Variants in NIPBL observed in about 807,000 individuals in gnomAD.
The protein encoded by NIPBL is NIPBL cohesin loading factor.
NIPBL carries 19 observed loss-of-function variants against 321.8 expected under a neutral mutation model. The observed-to-expected ratio is 0.06, with a 90% confidence interval of 0.04 to 0.09. The LOEUF (loss-of-function observed/expected upper bound fraction) is 0.09. NIPBL is among the 10% of genes least tolerant of loss of function. The probability of loss-of-function intolerance (pLI) is 1.00; values close to 1 mark genes in which losing one functional copy is unlikely to be tolerated. For synonymous variants in NIPBL, 1,106 were observed against 1,114.1 expected, an observed-to-expected ratio of 0.99 and a Z score of 0.14; for missense variants, 2,210 against 3,327.0, an observed-to-expected ratio of 0.66 and a Z score of 8.26.
intron 8 of NIPBL, among the ~76,000 whole-genome samples, chr5:36,974,290 C>T (rs1163208562): frequency 1.3e-5 from 2 of 152,166 alleles, no homozygotes; most frequent in Non-Finnish European, 2.9e-5. Context: ...GCTTGAACTT[C>T]TGTCATGAAG....
chr5:36,958,264 A>T, intron 4 of NIPBL, 33 bp downstream of exon 4: 1 of 1,608,944 alleles, frequency 6.2e-7, no homozygotes, highest in Non-Finnish European at 8.5e-7. Context: ...TCCCATATCA[A>T]ACTTGTTTTA....
At position 36,974,862 on chromosome 5, in the gene NIPBL, A is replaced by T. The variant is rs1743267759; in HGVS notation, c.869-914A>T. On this transcript the variant is annotated intron_variant, in intron 8 of 46. Transcript: ENST00000282516. ...TGACCAATTTTTACAATTTCTTACA[A>T]GTTTTTAAATATTTTATAGTTTAGT... Among the ~76,000 whole-genome samples the T allele has an allele frequency of 1.3e-5, 2 of 152,082 alleles. 1 individual carries two copies. Among genetic ancestry groups the T allele is most frequent in the South Asian group, 4.1e-4 (2 of 4,834 alleles).
chr5:36,993,226 A>AT (rs1304512335), intron 10 of NIPBL, among the ~76,000 whole-genome samples: 4 of 152,152 alleles, frequency 2.6e-5, no homozygotes, highest in Admixed American at 1.3e-4. Context: ...TGATTCCTGG[A>AT]TTTTTTTTCT....
intron 1 of NIPBL, among the ~76,000 whole-genome samples, chr5:36,909,578 G>C (rs1013375503): frequency 6.6e-6 from 1 of 152,016 alleles, no homozygotes; most frequent in South Asian, 2.1e-4. Flanking sequence ...TTCATTTGCA[G>C]TATTATTGGT....
intron 1 of NIPBL, among the ~76,000 whole-genome samples, 152 bp from the exon 2 acceptor site, chr5:36,953,466 G>A (rs1046331205): frequency 2.6e-5 from 4 of 152,178 alleles, no homozygotes; most frequent in African/African-American, 7.2e-5. Context: ...CTTTGCAATT[G>A]CTTAACATGT....
intron 11 of NIPBL, among the ~76,000 whole-genome samples, chr5:36,998,178 C>A (rs924558591): frequency 6.6e-6 from 1 of 152,064 alleles, no homozygotes; most frequent in African/African-American, 2.4e-5. Context: ...TTTCCCCTCC[C>A]CTGCTTATTC....
intron 10 of NIPBL, among the ~76,000 whole-genome samples, chr5:36,991,176 A>G (rs1441758837): frequency 2.0e-5 from 3 of 152,078 alleles, no homozygotes; most frequent in Non-Finnish European, 4.4e-5. Flanking sequence ...ATTCTCTTTT[A>G]AACTTATTAC....
At chr5:36,994,944 A>C (rs1207415613) in intron 10 of NIPBL, among the ~76,000 whole-genome samples, 1 of 152,148 alleles carries the variant, frequency 6.6e-6, no homozygotes, top group East Asian at 1.9e-4. Flanking sequence ...ACAGACATTT[A>C]TATTTTAAAA....
At chr5:37,036,904 A>G (rs991928078) in intron 33 of NIPBL, among the ~76,000 whole-genome samples, 3 of 152,072 alleles carry the variant, frequency 2.0e-5, no homozygotes, top group Non-Finnish European at 4.4e-5. Flanking sequence ...TTAAAGATTT[A>G]TATTACATTC....
chr5:37,000,300 T>A (rs1480551041), intron 11 of NIPBL, 73 bp from the exon 12 acceptor site: 5 of 1,443,856 alleles, frequency 3.5e-6, no homozygotes, highest in Non-Finnish European at 4.8e-6. Context: ...CCCATGTGAT[T>A]CATTTGTAAA....
At chr5:36,926,519 G>A (rs1027895048) in intron 1 of NIPBL, among the ~76,000 whole-genome samples, 1 of 152,178 alleles carries the variant, frequency 6.6e-6, no homozygotes. Flanking sequence ...TCATGGTCAT[G>A]TGATATTTAA....
In NIPBL at chr5:37,066,130, T is replaced by G. The variant is rs1234886926; in HGVS notation, c.*1238T>G. Reference sequence around the variant, plus strand: ...CAGTTGTCATTTACACATTACTTACTGCAGATATCTTGACTAAATCAGGAG... The same window carrying G: ...CAGTTGTCATTTACACATTACTTACGGCAGATATCTTGACTAAATCAGGAG... On this transcript the variant is annotated 3_prime_UTR_variant, in exon 47 of 47. Transcript: ENST00000282516. 1 of 152,198 alleles carries G rather than the reference T, an allele frequency of 6.6e-6. No homozygotes were observed. The allele number at this position is 152,198 out of a possible 1,614,324, so 9.4% of individuals were successfully genotyped here. A position where few individuals can be genotyped will look rare whatever the true frequency, so the allele number is the denominator to read the frequency against.
At chr5:36,912,039 G>A (rs912949638) in intron 1 of NIPBL, among the ~76,000 whole-genome samples, 2 of 152,186 alleles carry the variant, frequency 1.3e-5, no homozygotes, top group African/African-American at 4.8e-5. Context: ...ATACAATGAG[G>A]AAGCTAACTG....
intron 9 of NIPBL, among the ~76,000 whole-genome samples, chr5:36,982,952 T>A (rs1482392714): frequency 6.6e-6 from 1 of 151,948 alleles, no homozygotes; most frequent in Non-Finnish European, 1.5e-5. Context: ...GGTTATATTT[T>A]TTGAATTTCT....
chr5:36,951,574 T>G (rs1740294913), intron 1 of NIPBL, among the ~76,000 whole-genome samples: 1 of 152,186 alleles, frequency 6.6e-6, no homozygotes, highest in South Asian at 2.1e-4. Flanking sequence ...TTGGTGACCT[T>G]TATCAGATTT....
At chr5:36,889,999 A>C (rs1263944235) in intron 1 of NIPBL, among the ~76,000 whole-genome samples, 1 of 152,030 alleles carries the variant, frequency 6.6e-6, no homozygotes, top group Non-Finnish European at 1.5e-5. Flanking sequence ...TTAAATTTTT[A>C]CATAAAAATA....
At chr5:37,026,984 G>A (rs1425515206) in intron 31 of NIPBL, among the ~76,000 whole-genome samples, 10 of 151,180 alleles carry the variant, frequency 6.6e-5, no homozygotes. Flanking sequence ...TTCTATTGAT[G>A]TCTTTAAAAT....
At chr5:37,032,971 TA>T (rs756124178) in intron 32 of NIPBL, among the ~76,000 whole-genome samples, 10 of 152,318 alleles carry the variant, frequency 6.6e-5, no homozygotes, top group Admixed American at 2.0e-4. Flanking sequence ...AATTATACTT[TA>T]AAAAAATTTT....
At chr5:36,899,587 T>C (rs1388741437) in intron 1 of NIPBL, among the ~76,000 whole-genome samples, 2 of 152,226 alleles carry the variant, frequency 1.3e-5, no homozygotes, top group African/African-American at 4.8e-5. Context: ...CAAAAGTGAA[T>C]TTTTAAATAG....
Sources: allele counts gnomAD v4.1 joint callset (sites outside exome capture counted in the v4.1 genomes callset), GRCh38; gene constraint gnomAD v4.1.1; transcripts MANE v1.5; gene names NCBI Gene and HGNC (gene_info 2026-07-23, HGNC 2026-07-21).